Variants in NCKAP5 observed in about 807,000 individuals in gnomAD.
NCKAP5 encodes NCK associated protein 5, also known as nck-associated protein 5.
In NCKAP5, 92 loss-of-function variants were observed where a neutral mutation model predicts 167.0. The observed-to-expected ratio is 0.55, with a 90% CI of 0.47 to 0.66. The LOEUF (loss-of-function observed/expected upper bound fraction) is 0.66, where lower values mean the gene tolerates loss of function less well. Among genes scored for constraint, NCKAP5 ranks in the 30% least tolerant of loss-of-function variants. The probability of loss-of-function intolerance (pLI) is 0.00; values close to 1 mark genes in which losing one functional copy is unlikely to be tolerated. For synonymous variants in NCKAP5, 891 were observed against 877.4 expected (o/e 1.02, Z -0.27); for missense variants, 2,378 against 2,315.0 (o/e 1.03, Z -0.56).
chr2:132,890,027 G>A (rs138585988), intron 8 of NCKAP5, among the ~76,000 whole-genome samples: 2 of 152,252 alleles, frequency 1.3e-5, no homozygotes, highest in Admixed American at 6.5e-5. Context: ...GCTTTCCCAC[G>A]GCAAAAGCTG....
the NCKAP5 span, among the ~76,000 whole-genome samples, chr2:133,578,760 T>G: frequency 6.6e-6 from 1 of 152,234 alleles, no homozygotes; most frequent in Non-Finnish European, 1.5e-5. Flanking sequence ...CAGTCTCATT[T>G]CAGTGTCTGC....
intron 8 of NCKAP5, among the ~76,000 whole-genome samples, chr2:132,891,995 C>G (rs1228979395): frequency 6.6e-6 from 1 of 152,164 alleles, no homozygotes; most frequent in Non-Finnish European, 1.5e-5. Flanking sequence ...TGGTGAATGG[C>G]AGTTTCCTTC....
At chr2:133,517,100 T>C (rs1171306350) in intron 3 of NCKAP5, among the ~76,000 whole-genome samples, 1 of 152,194 alleles carries the variant, frequency 6.6e-6, no homozygotes, top group Non-Finnish European at 1.5e-5. Flanking sequence ...TTGTTCAACT[T>C]ACCCCCAAGG....
At chr2:133,150,805 T>A (rs1321081984) in intron 5 of NCKAP5, among the ~76,000 whole-genome samples, 1 of 152,168 alleles carries the variant, frequency 6.6e-6, no homozygotes, top group Non-Finnish European at 1.5e-5. Flanking sequence ...CTAGCAGCAT[T>A]ATTCATAAGA....
At position 132,782,713 on chromosome 2, in the gene NCKAP5, ACTTG is replaced by A; in HGVS notation, c.4094_4097del (p.Pro1365LeufsTer5). Reference sequence around the variant, plus strand: ...TTGGAGGGATCCTCAAAGGCAACTTACTTGGGCTCCCATGCTGACTGCTGAAGCT... The same window carrying A: ...TTGGAGGGATCCTCAAAGGCAACTTAGGCTCCCATGCTGACTGCTGAAGCT... On this transcript the variant is annotated frameshift_variant, in exon 14 of 20. Transcript: ENST00000409261. LOFTEE classifies it high-confidence loss of function. 4 of 1,613,932 alleles carry A rather than the reference ACTTG, an allele frequency of 2.5e-6. No homozygotes were observed. Among genetic ancestry groups the A allele is most frequent in the Non-Finnish European group, 3.4e-6 (4 of 1,179,870 alleles).
At chr2:133,137,139 T>C (rs970785340) in intron 5 of NCKAP5, among the ~76,000 whole-genome samples, 3 of 151,234 alleles carry the variant, frequency 2.0e-5, no homozygotes, top group East Asian at 3.9e-4. Context: ...TGCACACATA[T>C]TGCAATACAG....
At chr2:133,324,185 G>A (rs1682269504) in intron 3 of NCKAP5, among the ~76,000 whole-genome samples, 1 of 152,218 alleles carries the variant, frequency 6.6e-6, no homozygotes, top group Admixed American at 6.5e-5. Context: ...AGAACTGGAT[G>A]AGGCGTAAAC....
chr2:132,833,625 T>C (rs1687676197), intron 11 of NCKAP5, among the ~76,000 whole-genome samples: 1 of 152,250 alleles, frequency 6.6e-6, no homozygotes, highest in African/African-American at 2.4e-5. Flanking sequence ...GAGTGTTCTT[T>C]ATCCAATGCA....
At chr2:133,058,045 C>G (rs1401641352) in intron 6 of NCKAP5, among the ~76,000 whole-genome samples, 1 of 152,108 alleles carries the variant, frequency 6.6e-6, no homozygotes, top group Admixed American at 6.5e-5. Context: ...GATGGAACAA[C>G]AAAGCCTGGA....
chr2:132,818,618 G>A (rs1425159318), intron 11 of NCKAP5, among the ~76,000 whole-genome samples: 2 of 152,354 alleles, frequency 1.3e-5, no homozygotes, highest in Non-Finnish European at 2.9e-5. Flanking sequence ...AACCCGGGAG[G>A]TGGTGGTTGC....
At chr2:133,567,665 G>GTGTGTT (rs1688654576) in intron 1 of NCKAP5, among the ~76,000 whole-genome samples, 1 of 96,336 alleles carries the variant, frequency 1.0e-5, no homozygotes, top group Non-Finnish European at 2.1e-5. Context: ...GCCTGTGTGT[G>GTGTGTT]TGTGTGTGTG....
intron 2 of NCKAP5, among the ~76,000 whole-genome samples, chr2:133,533,923 GTC>G (rs1685556838): frequency 6.6e-6 from 1 of 152,006 alleles, no homozygotes; most frequent in African/African-American, 2.4e-5. Flanking sequence ...TTGTCTATAT[GTC>G]TTTCTTTCTT....
intron 11 of NCKAP5, among the ~76,000 whole-genome samples, chr2:132,827,107 G>A (rs1240295679): frequency 6.6e-6 from 1 of 152,166 alleles, no homozygotes; most frequent in Non-Finnish European, 1.5e-5. Context: ...GATGGAGATG[G>A]AGTGTATAGA....
At chr2:132,770,382 T>C (rs907684070) in intron 16 of NCKAP5, among the ~76,000 whole-genome samples, 3 of 148,096 alleles carry the variant, frequency 2.0e-5, no homozygotes, top group African/African-American at 7.3e-5. Context: ...GTATATATTA[T>C]ATATTATAAA....
chr2:133,243,773 C>A (rs2087841266), intron 4 of NCKAP5, among the ~76,000 whole-genome samples: 1 of 152,160 alleles, frequency 6.6e-6, no homozygotes, highest in South Asian at 2.1e-4. Context: ...TTTGTTAAAC[C>A]TGCTTGATGT....
chr2:133,433,385 G>A (rs555245032), intron 3 of NCKAP5: 2 of 152,316 alleles, frequency 1.3e-5, no homozygotes, highest in South Asian at 2.1e-4. Context: ...TCAAGAGAAT[G>A]ACAGGAACTT....
chr2:132,738,227 A>T (rs929703722), intron 16 of NCKAP5, among the ~76,000 whole-genome samples: 3 of 152,188 alleles, frequency 2.0e-5, no homozygotes, highest in African/African-American at 7.2e-5. Flanking sequence ...TATTTTAATG[A>T]TGGATTTCTT....
the NCKAP5 span, among the ~76,000 whole-genome samples, chr2:133,618,609 C>T: frequency 0.051 from 7,694 of 152,054 alleles, 252 homozygotes; most frequent in Middle Eastern, 0.16. Flanking sequence ...AATGAGATAC[C>T]ATCTCATACC....
chr2:132,760,717 C>T (rs977850167), intron 16 of NCKAP5, among the ~76,000 whole-genome samples: 1 of 152,138 alleles, frequency 6.6e-6, no homozygotes, highest in Non-Finnish European at 1.5e-5. Context: ...GAGATGGGTT[C>T]TGCCAGATTC....
Sources: gnomAD v4.1 joint callset for allele counts (sites outside exome capture counted in the v4.1 genomes callset) on GRCh38, gnomAD v4.1.1 for gene constraint, MANE v1.5 for transcripts, NCBI Gene and HGNC (gene_info 2026-07-23, HGNC 2026-07-21) for gene names.